REDIC1: variants seen among roughly 807,000 people sequenced by gnomAD.
REDIC1 encodes HEI10 Interacting Protein 1.
the REDIC1 span, among the ~76,000 whole-genome samples, chr12:39,834,111 G>A: frequency 6.6e-6 from 1 of 151,824 alleles, no homozygotes; most frequent in Non-Finnish European, 1.5e-5. Context: ...AGTTTTCCCT[G>A]GGTGCAATCT....
the REDIC1 span, among the ~76,000 whole-genome samples, chr12:39,653,585 C>CTTCTTCTTCTTCTTCTTCTTT: frequency 4.0e-5 from 3 of 75,196 alleles, no homozygotes; most frequent in Non-Finnish European, 8.1e-5. Context: ...TCTTCCTCTT[C>CTTCTTCTTCTTCTTCTTCTTT]TTCTTCCTCT....
the REDIC1 span, among the ~76,000 whole-genome samples, chr12:39,706,883 AC>A: frequency 6.6e-6 from 1 of 152,056 alleles, no homozygotes; most frequent in Non-Finnish European, 1.5e-5. Context: ...TAAATCTAAG[AC>A]TTTGAACTAT....
the REDIC1 span, among the ~76,000 whole-genome samples, chr12:39,901,617 A>C: frequency 7.9e-6 from 1 of 125,790 alleles, no homozygotes; most frequent in Admixed American, 8.8e-5. Flanking sequence ...GCCATCAGAG[A>C]AATGCAAATC....
the REDIC1 span, among the ~76,000 whole-genome samples, chr12:39,794,264 C>T: frequency 3.3e-5 from 5 of 151,462 alleles, no homozygotes; most frequent in African/African-American, 1.2e-4. Context: ...CCCCCTTATT[C>T]TTGATATTTG....
At chr12:39,812,344 TTTC>T in the REDIC1 span, among the ~76,000 whole-genome samples, 1 of 101,014 alleles carries the variant, frequency 9.9e-6, no homozygotes, top group Admixed American at 9.1e-5. Context: ...TCTTTTTTCT[TTTC>T]TTTTCTTTTC....
chr12:39,838,841 G>A, the REDIC1 span, among the ~76,000 whole-genome samples: 1 of 151,966 alleles, frequency 6.6e-6, no homozygotes, highest in Non-Finnish European at 1.5e-5. Flanking sequence ...TCTGCAAAAC[G>A]GTCCATTTGT....
At chr12:39,723,001 G>T in the REDIC1 span, among the ~76,000 whole-genome samples, 10 of 152,114 alleles carry the variant, frequency 6.6e-5, no homozygotes, top group African/African-American at 2.2e-4. Flanking sequence ...AGATTGGGTA[G>T]TCAGCCACAC....
At chr12:39,714,267 A>T in the REDIC1 span, among the ~76,000 whole-genome samples, 1 of 111,172 alleles carries the variant, frequency 9.0e-6, no homozygotes, top group African/African-American at 2.9e-5. Context: ...GCATGCATAT[A>T]TGTATATATG....
chr12:39,872,138 T>G, the REDIC1 span, among the ~76,000 whole-genome samples: 1 of 152,202 alleles, frequency 6.6e-6, no homozygotes, highest in Non-Finnish European at 1.5e-5. Flanking sequence ...AAAGACTATG[T>G]TCAAATAAAT....
At chr12:39,758,951 A>ATT in the REDIC1 span, 1 of 152,320 alleles carries the variant, frequency 6.6e-6, no homozygotes, top group East Asian at 1.9e-4. Context: ...AAGTCCCATT[A>ATT]TTTTTATTAA....
chr12:39,680,526 G>T, the REDIC1 span, among the ~76,000 whole-genome samples: 2 of 152,288 alleles, frequency 1.3e-5, no homozygotes, highest in Admixed American at 1.3e-4. Context: ...TACACTGCTG[G>T]TGGGTATGTA....
the REDIC1 span, among the ~76,000 whole-genome samples, chr12:39,870,461 TA>T: frequency 5.9e-5 from 9 of 152,204 alleles, no homozygotes; most frequent in African/African-American, 2.2e-4. Context: ...TTATTGGGGA[TA>T]TTTTTCTTAT....
At chr12:39,700,962 G>T in the REDIC1 span, among the ~76,000 whole-genome samples, 1 of 152,012 alleles carries the variant, frequency 6.6e-6, no homozygotes, top group Non-Finnish European at 1.5e-5. Context: ...GGAACAACCG[G>T]TACCAGCCAC....
the REDIC1 span, among the ~76,000 whole-genome samples, chr12:39,859,760 TG>T: frequency 1.8e-3 from 268 of 152,184 alleles, no homozygotes; most frequent in Middle Eastern, 3.4e-3. Context: ...CTGCTGACCT[TG>T]GTGATCCGCC....
chr12:39,759,850 G>A, the REDIC1 span: 5 of 563,452 alleles, frequency 8.9e-6, no homozygotes, highest in Admixed American at 1.7e-4. Flanking sequence ...TGTTCCTTGT[G>A]GAAAAAAAAA....
At chr12:39,824,170 TA>T in the REDIC1 span, among the ~76,000 whole-genome samples, 8 of 152,318 alleles carry the variant, frequency 5.3e-5, no homozygotes, top group South Asian at 4.2e-4. Context: ...GGCTATCATA[TA>T]AAAAATATAA....
the REDIC1 span, among the ~76,000 whole-genome samples, chr12:39,867,821 G>C: frequency 6.6e-6 from 1 of 152,130 alleles, no homozygotes; most frequent in Non-Finnish European, 1.5e-5. Flanking sequence ...CTGAATCAGA[G>C]TCTCCAGAAG....
chr12:39,803,903 A>T, the REDIC1 span, among the ~76,000 whole-genome samples: 1 of 152,206 alleles, frequency 6.6e-6, no homozygotes, highest in African/African-American at 2.4e-5. Context: ...CCTTCCCAAG[A>T]TAAATAAAAT....
chr12:39,668,780 C>T, the REDIC1 span, among the ~76,000 whole-genome samples: 4 of 151,864 alleles, frequency 2.6e-5, no homozygotes, highest in African/African-American at 9.7e-5. Flanking sequence ...TTCTAAACTT[C>T]TCTCTTGCTT....
Sources: allele counts gnomAD v4.1 joint callset (sites outside exome capture counted in the v4.1 genomes callset), GRCh38; gene constraint gnomAD v4.1.1; transcripts MANE v1.5; gene names NCBI Gene and HGNC (gene_info 2026-07-23, HGNC 2026-07-21).